GPHN: variants seen among roughly 807,000 people sequenced by gnomAD.
The protein encoded by GPHN is gephyrin.
Under a neutral mutation model 95.5 loss-of-function variants are expected in GPHN, and 17 were observed. The observed-to-expected ratio is 0.18, with a 90% CI of 0.12 to 0.27. GPHN has a LOEUF of 0.27. Among genes scored for constraint, GPHN ranks in the 10% least tolerant of loss-of-function variants. The pLI, the probability that GPHN is intolerant of heterozygous loss-of-function variation, is 1.00. For synonymous variants in GPHN, 320 were observed against 322.5 expected (o/e 0.99, Z 0.08); for missense variants, 660 against 978.1 (o/e 0.67, Z 4.34).
intron 3 of GPHN, among the ~76,000 whole-genome samples, chr14:66,801,794 C>T (rs1203852034): frequency 1.3e-5 from 2 of 148,682 alleles, no homozygotes; most frequent in Non-Finnish European, 1.5e-5. Flanking sequence ...CATCTATGCC[C>T]GCTCCCGCTC....
chr14:66,577,357 C>A (rs991809402), intron 1 of GPHN, among the ~76,000 whole-genome samples: 1 of 152,124 alleles, frequency 6.6e-6, no homozygotes, highest in Non-Finnish European at 1.5e-5. Context: ...TGATAGCTAA[C>A]AGAACCATAA....
At chr14:67,221,688 G>A in the GPHN span, 38 of 1,555,578 alleles carry the variant, frequency 2.4e-5, no homozygotes, top group South Asian at 4.3e-4. Context: ...AGCATTTAAA[G>A]AATGACCGGT....
intron 1 of GPHN, among the ~76,000 whole-genome samples, chr14:66,544,967 A>G (rs2059485761): frequency 6.6e-6 from 1 of 152,188 alleles, no homozygotes. Flanking sequence ...GAACAAAATG[A>G]AAAGTCTCCT....
chr14:67,172,256 C>T (rs1056930722), intron 21 of GPHN, among the ~76,000 whole-genome samples: 20 of 152,088 alleles, frequency 1.3e-4, no homozygotes, highest in African/African-American at 4.3e-4. Flanking sequence ...GCCCGCCGCC[C>T]GCCGCATCCC....
chr14:67,073,651 G>A (rs963468375), intron 11 of GPHN, among the ~76,000 whole-genome samples: 1 of 152,070 alleles, frequency 6.6e-6, no homozygotes, highest in Non-Finnish European at 1.5e-5. Flanking sequence ...CAATTCTGTT[G>A]CATCTTTTTG....
At chr14:66,553,011 CAA>C (rs1308765995) in intron 1 of GPHN, among the ~76,000 whole-genome samples, 4 of 145,646 alleles carry the variant, frequency 2.7e-5, no homozygotes, top group Non-Finnish European at 4.5e-5. Flanking sequence ...TTTTTTTAGA[CAA>C]GAGTTTCGTT....
chr14:66,650,160 A>G (rs1238303465), intron 1 of GPHN, among the ~76,000 whole-genome samples: 1 of 151,934 alleles, frequency 6.6e-6, no homozygotes, highest in Non-Finnish European at 1.5e-5. Context: ...GGTTCATTGC[A>G]GTAGGTGATT....
chr14:67,569,596 CACA>C, the GPHN span: 1 of 452,622 alleles, frequency 2.2e-6, no homozygotes, highest in African/African-American at 2.0e-5. Flanking sequence ...ACCAAATCTC[CACA>C]ACGAGGGCTG....
chr14:67,045,939 C>CAG (rs1273685794), intron 10 of GPHN, among the ~76,000 whole-genome samples: 1 of 152,148 alleles, frequency 6.6e-6, no homozygotes, highest in Non-Finnish European at 1.5e-5. Flanking sequence ...GATCTACATA[C>CAG]AGAATCCTGT....
At chr14:66,826,314 T>C (rs1416439700) in intron 4 of GPHN, among the ~76,000 whole-genome samples, 2 of 152,160 alleles carry the variant, frequency 1.3e-5, no homozygotes, top group African/African-American at 2.4e-5. Flanking sequence ...GACGGAGTGC[T>C]TTTACTCACA....
chr14:67,133,218 T>G (rs1208356632), intron 17 of GPHN, among the ~76,000 whole-genome samples: 1 of 152,154 alleles, frequency 6.6e-6, no homozygotes, highest in Admixed American at 6.5e-5. Context: ...TTTGTTACCT[T>G]GGTATGATTA....
intron 1 of GPHN, among the ~76,000 whole-genome samples, chr14:66,586,551 C>G (rs2061428941): frequency 6.6e-6 from 1 of 152,126 alleles, no homozygotes; most frequent in Non-Finnish European, 1.5e-5. Context: ...ATATTTAGTG[C>G]TTCCTTCAGG....
At chr14:67,171,252 A>G (rs2082582362) in intron 21 of GPHN, among the ~76,000 whole-genome samples, 1 of 152,142 alleles carries the variant, frequency 6.6e-6, no homozygotes, top group Non-Finnish European at 1.5e-5. Flanking sequence ...ATATCAAAGC[A>G]TTCAGAAGAG....
intron 5 of GPHN, among the ~76,000 whole-genome samples, chr14:66,892,151 G>C (rs2064546785): frequency 6.6e-6 from 1 of 152,114 alleles, no homozygotes; most frequent in Non-Finnish European, 1.5e-5. Flanking sequence ...GGCTGGGTGT[G>C]GTGGTTTAAA....
At chr14:67,291,528 C>T in the GPHN span, among the ~76,000 whole-genome samples, 3 of 152,156 alleles carry the variant, frequency 2.0e-5, no homozygotes, top group East Asian at 1.9e-4. Context: ...CATGATCTAC[C>T]TGTCTGGGCC....
chr14:67,221,907 C>A, the GPHN span: 1 of 1,447,982 alleles, frequency 6.9e-7, no homozygotes, highest in Non-Finnish European at 9.4e-7. Flanking sequence ...CAAAGGAATT[C>A]AGCTAGACTT....
chr14:67,344,595 TG>T, the GPHN span, among the ~76,000 whole-genome samples: 1 of 152,148 alleles, frequency 6.6e-6, no homozygotes, highest in Non-Finnish European at 1.5e-5. Context: ...AGAGTGAAAC[TG>T]GGCTGGGTGA....
At chr14:67,564,563 T>A in the GPHN span, among the ~76,000 whole-genome samples, 1 of 152,092 alleles carries the variant, frequency 6.6e-6, no homozygotes, top group Middle Eastern at 3.4e-3. Context: ...GCTCAAGCAA[T>A]CCTCCTACTT....
chr14:67,037,832 GA>G (rs1387547514), intron 10 of GPHN, among the ~76,000 whole-genome samples: 3 of 151,380 alleles, frequency 2.0e-5, no homozygotes, highest in African/African-American at 7.3e-5. Context: ...GGAGAAATTG[GA>G]ACCCTTGTGC....
Sources: gnomAD v4.1 joint callset for allele counts (sites outside exome capture counted in the v4.1 genomes callset) on GRCh38, gnomAD v4.1.1 for gene constraint, MANE v1.5 for transcripts, NCBI Gene and HGNC (gene_info 2026-07-23, HGNC 2026-07-21) for gene names.